The following KHDRBS2 variants were observed in gnomAD, a reference collection of about 807,000 sequenced individuals.
The protein encoded by KHDRBS2 is KH RNA binding domain containing, signal transduction associated 2, also known as KH domain-containing, RNA-binding, signal transduction-associated protein 2.
A neutral mutation model predicts 44.3 loss-of-function variants in KHDRBS2; 26 were observed. That is an observed-to-expected ratio of 0.59 (90% confidence interval 0.43 to 0.81). The LOEUF is 0.81. Ranked by LOEUF, KHDRBS2 falls within the 40% of genes least tolerant of loss-of-function variation. The probability of loss-of-function intolerance (pLI) is 0.00; values close to 1 mark genes in which losing one functional copy is unlikely to be tolerated. For synonymous variants in KHDRBS2, 194 were observed against 151.1 expected (o/e 1.28, Z -2.08); for missense variants, 476 against 433.1 (o/e 1.10, Z -0.88).
intron 4 of KHDRBS2, among the ~76,000 whole-genome samples, chr6:61,909,031 T>A (rs1408349799): frequency 6.6e-6 from 1 of 152,070 alleles, no homozygotes; most frequent in East Asian, 1.9e-4. Context: ...CTTTAAAGAA[T>A]CTACTGGGGC....
At chr6:61,946,983 C>T (rs1813504419) in intron 4 of KHDRBS2, among the ~76,000 whole-genome samples, 1 of 152,088 alleles carries the variant, frequency 6.6e-6, no homozygotes, top group Non-Finnish European at 1.5e-5. Context: ...CTTGGGCGGG[C>T]AAATGGATAA....
rs528680177 is a variant in KHDRBS2 at position 61,836,666 on chromosome 6, C to A, written c.810+57969G>T. Among the ~76,000 whole-genome samples, 5 of 152,118 alleles carry A rather than the reference C, an allele frequency of 3.3e-5. No homozygotes were observed. In the South Asian group the frequency reaches 8.3e-4, roughly 25 times the overall value. On this transcript the variant is annotated intron_variant, in intron 6 of 8. Transcript: ENST00000281156. ...GAAATAAAATGGATGTCTATGATCTCTCTTCAATTATTTAGTAAGGATGAA... is the reference window on the plus strand; with the variant it reads ...GAAATAAAATGGATGTCTATGATCTATCTTCAATTATTTAGTAAGGATGAA...
chr6:61,802,721 T>C (rs1786477317), intron 6 of KHDRBS2, among the ~76,000 whole-genome samples: 1 of 152,152 alleles, frequency 6.6e-6, no homozygotes, highest in South Asian at 2.1e-4. Context: ...TTCAGTATTT[T>C]TCTTATAATT....
At chr6:62,101,879 C>G (rs1315759809) in intron 2 of KHDRBS2, among the ~76,000 whole-genome samples, 1 of 152,130 alleles carries the variant, frequency 6.6e-6, no homozygotes, top group Non-Finnish European at 1.5e-5. Flanking sequence ...TTCAAAAATT[C>G]AAAGAAACAA....
Position 61,831,618 on chromosome 6 carries a change from A to G in KHDRBS2, c.810+63017T>C, listed in dbSNP as rs138206029. Among the ~76,000 whole-genome samples, 324 of 152,256 alleles carry G rather than the reference A, an allele frequency of 2.1e-3. 1 individual carries two copies. The highest frequency in any genetic ancestry group is 8.5e-3 in the South Asian group (41 of 4,826). On this transcript the variant is annotated intron_variant, in intron 6 of 8. Transcript: ENST00000281156. ...CAATTAAAAACTGAGAGATGTCTGT[A>G]TCTTTATGAATGTAATTAATATGCT...
At chr6:62,097,107 G>A (rs865938326) in intron 2 of KHDRBS2, among the ~76,000 whole-genome samples, 2 of 142,296 alleles carry the variant, frequency 1.4e-5, no homozygotes, top group African/African-American at 2.6e-5. Context: ...ATATAATTTT[G>A]TTTTTTTTTT....
chr6:61,612,727 C>T, the KHDRBS2 span, among the ~76,000 whole-genome samples: 1 of 151,912 alleles, frequency 6.6e-6, no homozygotes, highest in Admixed American at 6.6e-5. Context: ...TAGAAACTTG[C>T]CCAAGTCATC....
intron 1 of KHDRBS2, among the ~76,000 whole-genome samples, chr6:62,209,309 A>C (rs1828606304): frequency 6.6e-6 from 1 of 152,202 alleles, no homozygotes; most frequent in African/African-American, 2.4e-5. Context: ...GTCAAAAGAG[A>C]AAAAGATTTG....
chr6:61,654,118 T>G, the KHDRBS2 span, among the ~76,000 whole-genome samples: 1 of 152,038 alleles, frequency 6.6e-6, no homozygotes. Flanking sequence ...GTCCTGCTAT[T>G]CTCATATGTG....
At chr6:62,174,594 T>C (rs1482712217) in intron 2 of KHDRBS2, among the ~76,000 whole-genome samples, 2 of 151,728 alleles carry the variant, frequency 1.3e-5, no homozygotes, top group Non-Finnish European at 3.0e-5. Context: ...TAACTTGAAT[T>C]TGGAGAGTAA....
chr6:61,613,603 G>T, the KHDRBS2 span, among the ~76,000 whole-genome samples: 1 of 151,990 alleles, frequency 6.6e-6, no homozygotes, highest in Non-Finnish European at 1.5e-5. Flanking sequence ...TCTTTCTGCA[G>T]TCATTACAAT....
the KHDRBS2 span, among the ~76,000 whole-genome samples, chr6:61,630,875 G>A: frequency 6.6e-6 from 1 of 152,096 alleles, no homozygotes; most frequent in Non-Finnish European, 1.5e-5. Context: ...CTTATATCAC[G>A]ATTCTGCATA....
chr6:61,935,608 G>A (rs1810880332), intron 4 of KHDRBS2, among the ~76,000 whole-genome samples: 1 of 152,076 alleles, frequency 6.6e-6, no homozygotes, highest in African/African-American at 2.4e-5. Context: ...CTCTTCAAAT[G>A]GGAAACAAAT....
Position 61,809,879 on chromosome 6 carries a change from A to G in KHDRBS2, c.811-77115T>C, listed in dbSNP as rs150649696. 2.5e-3 allele frequency among the ~76,000 whole-genome samples: 382 copies of G among 152,290 alleles called. 1 individual carries two copies. The highest frequency in any genetic ancestry group is 7.9e-3 in the African/African-American group (330 of 41,560). On this transcript the variant is annotated intron_variant, in intron 6 of 8. Coordinates refer to ENST00000281156, the MANE Select transcript of KHDRBS2 (RefSeq NM_152688.4). Reference sequence around the variant, plus strand: ...GTCACTGAATATTTTTAGTTTCATCATTGTGAAGATTCATAATGTAAAGAC... The same window carrying G: ...GTCACTGAATATTTTTAGTTTCATCGTTGTGAAGATTCATAATGTAAAGAC...
intron 4 of KHDRBS2, among the ~76,000 whole-genome samples, chr6:61,916,973 T>TC (rs957645982): frequency 4.0e-5 from 6 of 148,684 alleles, no homozygotes; most frequent in African/African-American, 1.5e-4. Flanking sequence ...GTATTTTTTT[T>TC]TTTTTTTTTT....
the KHDRBS2 span, among the ~76,000 whole-genome samples, chr6:61,608,376 A>G: frequency 2.6e-5 from 4 of 151,890 alleles, no homozygotes; most frequent in Non-Finnish European, 4.4e-5. Flanking sequence ...GGAGAAGAAG[A>G]AGCAATTCTA....
chr6:62,140,783 G>A lies in KHDRBS2; in HGVS notation c.219+36402C>T, dbSNP rs542714940. ...GCAGATCAATGAAAAAAGGCAAAGA[G>A]AAAAACCACAGAAGTATAAAGAGAA... On this transcript the variant is annotated intron_variant, in intron 2 of 8. Transcript: ENST00000281156. 5.6e-4 allele frequency among the ~76,000 whole-genome samples: 86 copies of A among 152,228 alleles called. 1 individual carries two copies. Among genetic ancestry groups the A allele is most frequent in the African/African-American group, 2.0e-3 (85 of 41,554 alleles).
At chr6:61,831,717 C>T (rs143690417) in intron 6 of KHDRBS2, among the ~76,000 whole-genome samples, 109 of 152,006 alleles carry the variant, frequency 7.2e-4, no homozygotes, top group Middle Eastern at 3.4e-3. Flanking sequence ...TTAAATATCA[C>T]GGTGAAAATA....
downstream of KHDRBS2, among the ~76,000 whole-genome samples, chr6:61,676,828 C>T (rs1765973378): frequency 6.6e-6 from 1 of 151,768 alleles, no homozygotes; most frequent in Admixed American, 6.6e-5. Context: ...TATTAAAGGC[C>T]ATGCTAATAT....
Sources: allele counts gnomAD v4.1 joint callset (sites outside exome capture counted in the v4.1 genomes callset), GRCh38; gene constraint gnomAD v4.1.1; transcripts MANE v1.5; gene names NCBI Gene and HGNC (gene_info 2026-07-23, HGNC 2026-07-21).